Variants in RARB observed in about 807,000 individuals in gnomAD.
RARB encodes the protein HBV-activated protein.
In RARB, 17 loss-of-function variants were observed where a neutral mutation model predicts 51.9. The observed-to-expected ratio is 0.33, with a 90% CI of 0.22 to 0.49. RARB has a LOEUF of 0.49. RARB is among the 20% of genes least tolerant of loss of function. The pLI, the probability that RARB is intolerant of heterozygous loss-of-function variation, is 0.99. For synonymous variants in RARB, 215 were observed against 195.4 expected (o/e 1.10, Z -0.84); for missense variants, 369 against 550.8 (o/e 0.67, Z 3.30).
intron 2 of RARB, among the ~76,000 whole-genome samples, chr3:24,985,920 G>T (rs1696785072): frequency 6.6e-6 from 1 of 152,214 alleles, no homozygotes. Context: ...GAACTGCAAA[G>T]AGAAAAATAA....
At chr3:25,403,284 A>G (rs1707315358) in intron 5 of RARB, among the ~76,000 whole-genome samples, 1 of 152,216 alleles carries the variant, frequency 6.6e-6, no homozygotes, top group Non-Finnish European at 1.5e-5. Context: ...TGTAACACTA[A>G]TGATAAATGC....
chr3:25,424,935 T>A (rs1707949401), upstream of RARB, among the ~76,000 whole-genome samples: 1 of 152,252 alleles, frequency 6.6e-6, no homozygotes, highest in East Asian at 1.9e-4. Flanking sequence ...TTTTGTTTTA[T>A]GATTATGGGT....
intron 5 of RARB, among the ~76,000 whole-genome samples, chr3:25,240,458 A>G (rs1254023306): frequency 2.0e-5 from 3 of 151,924 alleles, no homozygotes; most frequent in African/African-American, 7.3e-5. Context: ...AATGTTAACT[A>G]TGTGTTTGTT....
At chr3:25,024,347 T>TCAGAA in intron 2 of RARB, among the ~76,000 whole-genome samples, 1 of 152,192 alleles carries the variant, frequency 6.6e-6, no homozygotes, top group Non-Finnish European at 1.5e-5. Flanking sequence ...ACTTAGAAAC[T>TCAGAA]ATTTCTGAGT....
chr3:24,967,377 C>T (rs1696298985), intron 2 of RARB, among the ~76,000 whole-genome samples: 1 of 152,112 alleles, frequency 6.6e-6, no homozygotes, highest in Admixed American at 6.6e-5. Context: ...TTTCCCTTAG[C>T]GTTGCATTTC....
chr3:24,950,112 A>T (rs1695857554), intron 2 of RARB, among the ~76,000 whole-genome samples: 1 of 152,128 alleles, frequency 6.6e-6, no homozygotes, highest in South Asian at 2.1e-4. Flanking sequence ...AATCACAAAG[A>T]CTGATTTTTA....
chr3:25,287,132 T>A (rs2125419465), intron 5 of RARB, among the ~76,000 whole-genome samples: 1 of 152,360 alleles, frequency 6.6e-6, no homozygotes, highest in East Asian at 1.9e-4. Context: ...ATACAGGTTT[T>A]ATAACTTGGG....
In RARB at chr3:24,928,611, T is replaced by G. The variant is rs1372507981; in HGVS notation, c.-380+69859T>G. ...TTTTTGTGGTTGTGTTTTCTCAGCTTTAAGCTTCTCAGCAAAAAGTGTTAT... is the reference window on the plus strand; with the variant it reads ...TTTTTGTGGTTGTGTTTTCTCAGCTGTAAGCTTCTCAGCAAAAAGTGTTAT... On this transcript the variant is annotated intron_variant, in intron 2 of 11. Coordinates refer to the RARB transcript ENST00000383772. 5.3e-5 allele frequency among the ~76,000 whole-genome samples: 8 copies of G among 152,186 alleles called. No homozygotes were observed. In the East Asian group the frequency reaches 1.5e-3, roughly 29 times the overall value.
chr3:25,107,824 G>T (rs774914390), intron 3 of RARB, among the ~76,000 whole-genome samples: 5 of 152,114 alleles, frequency 3.3e-5, no homozygotes, highest in African/African-American at 7.2e-5. Context: ...TCACAATTTC[G>T]TGGATAAAAT....
intron 3 of RARB, among the ~76,000 whole-genome samples, chr3:25,079,606 A>G (rs569208840): frequency 6.6e-6 from 1 of 152,280 alleles, no homozygotes; most frequent in East Asian, 1.9e-4. Flanking sequence ...TGTGCATTGA[A>G]TTTTTGAAGA....
At chr3:24,924,140 C>A (rs1014885578) in intron 2 of RARB, among the ~76,000 whole-genome samples, 2 of 152,094 alleles carry the variant, frequency 1.3e-5, no homozygotes, top group Admixed American at 6.6e-5. Flanking sequence ...AATAAACTCT[C>A]TATTTTTGTA....
intron 2 of RARB, among the ~76,000 whole-genome samples, chr3:24,897,755 T>G (rs966690703): frequency 1.2e-4 from 18 of 151,630 alleles, no homozygotes; most frequent in African/African-American, 4.4e-4. Flanking sequence ...TCTGAGGCTT[T>G]TTTTTTTTTT....
chr3:25,305,015 A>G (rs1017098672), intron 5 of RARB, among the ~76,000 whole-genome samples: 3 of 152,168 alleles, frequency 2.0e-5, no homozygotes, highest in Admixed American at 6.5e-5. Context: ...CAGTTCAGAA[A>G]CTGAGATACA....
chr3:25,229,459 C>A (rs1031104220), intron 5 of RARB, among the ~76,000 whole-genome samples: 9 of 152,090 alleles, frequency 5.9e-5, no homozygotes, highest in African/African-American at 1.7e-4. Flanking sequence ...AAACTACCAC[C>A]ATTTGCAATT....
At chr3:24,942,435 A>G (rs189207195) in intron 2 of RARB, among the ~76,000 whole-genome samples, 2 of 152,328 alleles carry the variant, frequency 1.3e-5, no homozygotes, top group African/African-American at 2.4e-5. Context: ...CTTGGGATGC[A>G]CACAGACTCG....
chr3:25,547,086 G>T (rs1227416890), intron 3 of RARB, among the ~76,000 whole-genome samples: 1 of 152,140 alleles, frequency 6.6e-6, no homozygotes, highest in Non-Finnish European at 1.5e-5. Context: ...ATACCCGAAG[G>T]CCTCCTCCAA....
At chr3:25,271,503 G>A (rs553912891) in intron 5 of RARB, among the ~76,000 whole-genome samples, 20 of 152,128 alleles carry the variant, frequency 1.3e-4, no homozygotes, top group Non-Finnish European at 2.4e-4. Context: ...TGCTTTCTGC[G>A]TTTCTGGGAG....
rs386396163 is a variant in RARB at position 24,912,975 on chromosome 3, C to CTTTTTTTTTTTTTTTTTT, written c.-380+54228_-380+54245dup. Reference sequence around the variant, plus strand: ...GCAATACGCACACAAGGTACTGATTCTTTTTTTTTTTTTTTTTTTTTTGGA... The same window carrying CTTTTTTTTTTTTTTTTTT: ...GCAATACGCACACAAGGTACTGATTCTTTTTTTTTTTTTTTTTTTTTTTTTTTTTTTTTTTTTTTTGGA... On this transcript the variant is annotated intron_variant, in intron 2 of 11. Transcript: ENST00000383772. Among the ~76,000 whole-genome samples, 102 of 75,044 alleles carry CTTTTTTTTTTTTTTTTTT rather than the reference C, an allele frequency of 1.4e-3. 16 individuals are homozygous for CTTTTTTTTTTTTTTTTTT. The highest frequency in any genetic ancestry group is 1.8e-3 in the Admixed American group (8 of 4,432). The allele number at this position is 75,044 out of a possible 152,430, so 49.2% of individuals were successfully genotyped here. A position where few individuals can be genotyped will look rare whatever the true frequency, so the allele number is the denominator to read the frequency against.
chr3:25,439,510 A>G (rs1708572229), intron 1 of RARB, among the ~76,000 whole-genome samples: 2 of 152,028 alleles, frequency 1.3e-5, no homozygotes, highest in Non-Finnish European at 2.9e-5. Context: ...GGCTGAAGCA[A>G]TCCTCCCGCC....
Sources: gnomAD v4.1 joint callset for allele counts (sites outside exome capture counted in the v4.1 genomes callset) on GRCh38, gnomAD v4.1.1 for gene constraint, MANE v1.5 for transcripts, NCBI Gene and HGNC (gene_info 2026-07-23, HGNC 2026-07-21) for gene names.